The following CMTM4 variants were observed in gnomAD, a reference collection of about 807,000 sequenced individuals.
CMTM4 encodes CKLF like MARVEL transmembrane domain containing 4.
Under a neutral mutation model 19.0 loss-of-function variants are expected in CMTM4, and 8 were observed. The ratio of observed to expected loss-of-function variants is 0.42; its 90% CI spans 0.25 to 0.76. The LOEUF is 0.76. CMTM4 is among the 30% of genes least tolerant of loss of function. The pLI is 0.27. For missense variants in CMTM4, 228 were observed against 290.2 expected (o/e 0.79, Z 1.56); for synonymous variants, 106 against 121.1 (o/e 0.88, Z 0.82).
chr16:66,693,402 T>C (rs1480919097), intron 1 of CMTM4, among the ~76,000 whole-genome samples: 1 of 152,200 alleles, frequency 6.6e-6, no homozygotes, highest in Non-Finnish European at 1.5e-5. Flanking sequence ...AAGTCAAATT[T>C]TTCTCCAAAC....
At chr16:66,624,303 TTGGC>T (rs2015693995) in intron 2 of CMTM4, among the ~76,000 whole-genome samples, 1 of 152,208 alleles carries the variant, frequency 6.6e-6, no homozygotes, top group South Asian at 2.1e-4. Flanking sequence ...TATTACTACT[TTGGC>T]ATGAGGCACC....
At chr16:66,667,840 A>T (rs1211050081) in intron 1 of CMTM4, among the ~76,000 whole-genome samples, 1 of 152,186 alleles carries the variant, frequency 6.6e-6, no homozygotes, top group Non-Finnish European at 1.5e-5. Context: ...GTGAGCCGTG[A>T]TCACACCACT....
At position 66,617,473 on chromosome 16, in the gene CMTM4, G is replaced by T. The variant is rs887165983; in HGVS notation, c.*4585C>A. 5 of 1,464,384 alleles carry T rather than the reference G, an allele frequency of 3.4e-6. No homozygotes were observed. In the South Asian group the frequency reaches 5.6e-5, roughly 16 times the overall value. The allele number at this position is 1,464,384 out of a possible 1,614,324, so 90.7% of individuals were successfully genotyped here. ...AGGACCCACTCCGCTTCAAGCTAAA[G>T]AGTGTACAAAATGCCACTCACTTGC... On this transcript the variant is annotated 3_prime_UTR_variant, in exon 4 of 4. Coordinates refer to ENST00000394106, the MANE Select transcript of CMTM4 (RefSeq NM_181521.3).
chr16:66,598,928 A>G, the CMTM4 span, among the ~76,000 whole-genome samples: 4 of 152,092 alleles, frequency 2.6e-5, no homozygotes, highest in Admixed American at 1.3e-4. Context: ...TAAACCCAAC[A>G]GTTCAAGACC....
chr16:66,683,241 A>T (rs2016972494), intron 1 of CMTM4, among the ~76,000 whole-genome samples: 1 of 141,262 alleles, frequency 7.1e-6, no homozygotes, highest in African/African-American at 2.6e-5. Context: ...ATGTTTTCAA[A>T]AACTTGACCT....
chr16:66,691,303 A>AT (rs990328143), intron 1 of CMTM4, among the ~76,000 whole-genome samples: 8 of 152,134 alleles, frequency 5.3e-5, no homozygotes, highest in Non-Finnish European at 8.8e-5. Flanking sequence ...GTCTTTATTC[A>AT]TTTAAAAAAA....
intron 1 of CMTM4, among the ~76,000 whole-genome samples, chr16:66,683,109 T>TG (rs2016945271): frequency 3.8e-5 from 5 of 132,368 alleles, no homozygotes; most frequent in African/African-American, 1.5e-4. Context: ...TAGAGTCTAG[T>TG]TGTGTGTGTG....
At chr16:66,604,290 G>A in the CMTM4 span, 1 of 152,470 alleles carries the variant, frequency 6.6e-6, no homozygotes, top group Non-Finnish European at 1.5e-5. Context: ...GGGGACAGGA[G>A]GGGTGGCCAA....
intron 1 of CMTM4, among the ~76,000 whole-genome samples, chr16:66,689,299 T>C (rs180721160): frequency 3.5e-4 from 53 of 152,362 alleles, no homozygotes; most frequent in African/African-American, 1.2e-3. Context: ...CTTTTTCAGG[T>C]TGAAGAAGTT....
At chr16:66,666,821 G>A (rs1319662706) in intron 1 of CMTM4, among the ~76,000 whole-genome samples, 1 of 152,172 alleles carries the variant, frequency 6.6e-6, no homozygotes, top group Non-Finnish European at 1.5e-5. Context: ...CACAGAAACA[G>A]AAAACCAAAT....
intron 1 of CMTM4, among the ~76,000 whole-genome samples, chr16:66,655,518 C>CGT (rs72390418): frequency 0.072 from 10,656 of 147,942 alleles, 469 homozygotes; most frequent in Admixed American, 0.13. Flanking sequence ...AGGACAGAAA[C>CGT]GTGTGTGTGT....
intron 2 of CMTM4, among the ~76,000 whole-genome samples, chr16:66,625,434 CAAAAAAA>C (rs565431475): frequency 2.6e-5 from 2 of 76,432 alleles, no homozygotes; most frequent in Non-Finnish European, 5.7e-5. Context: ...AACTCTGTCT[CAAAAAAA>C]AAAAAAAAGA....
intron 1 of CMTM4, among the ~76,000 whole-genome samples, chr16:66,653,766 G>T (rs2016352245): frequency 6.6e-6 from 1 of 152,130 alleles, no homozygotes; most frequent in African/African-American, 2.4e-5. Flanking sequence ...ACAGAGTCTT[G>T]CTCTGTTGCC....
chr16:66,663,678 G>T (rs1482978889), intron 1 of CMTM4, among the ~76,000 whole-genome samples: 1 of 151,242 alleles, frequency 6.6e-6, no homozygotes, highest in Non-Finnish European at 1.5e-5. Flanking sequence ...AAGTAGCTGG[G>T]ATTACAGGCA....
At chr16:66,683,158 T>C (rs1263074546) in intron 1 of CMTM4, among the ~76,000 whole-genome samples, 181 of 117,760 alleles carry the variant, frequency 1.5e-3, no homozygotes, top group African/African-American at 4.7e-3. Flanking sequence ...TATATATATA[T>C]ACGTATATAT....
chr16:66,683,181 G>GTATA (rs1555502520), intron 1 of CMTM4, among the ~76,000 whole-genome samples: 1 of 124,440 alleles, frequency 8.0e-6, no homozygotes, highest in African/African-American at 3.1e-5. Flanking sequence ...ATATACATAT[G>GTATA]TATATATATA....
chr16:66,645,379 A>G (rs1462951371), intron 1 of CMTM4, among the ~76,000 whole-genome samples: 1 of 151,842 alleles, frequency 6.6e-6, no homozygotes, highest in Non-Finnish European at 1.5e-5. Context: ...GGAGTTTAAG[A>G]CCAGCCTGGT....
intron 2 of CMTM4, among the ~76,000 whole-genome samples, chr16:66,633,721 G>A (rs1391846956): frequency 6.6e-6 from 1 of 151,368 alleles, no homozygotes; most frequent in Non-Finnish European, 1.5e-5. Context: ...AGGAGGCTGA[G>A]ACAGGAAAAT....
intron 1 of CMTM4, among the ~76,000 whole-genome samples, chr16:66,671,374 G>T (rs1278316111): frequency 6.6e-6 from 1 of 152,212 alleles, no homozygotes; most frequent in Non-Finnish European, 1.5e-5. Flanking sequence ...GGCCTCCTGA[G>T]ATGGAAACAA....
Sources: gnomAD v4.1 joint callset for allele counts (sites outside exome capture counted in the v4.1 genomes callset) on GRCh38, gnomAD v4.1.1 for gene constraint, MANE v1.5 for transcripts, NCBI Gene and HGNC (gene_info 2026-07-23, HGNC 2026-07-21) for gene names.